The following PCBP3 variants were observed in gnomAD, a reference collection of about 807,000 sequenced individuals.
PCBP3 encodes poly(rC) binding protein 3, also known as poly(rC)-binding protein 3.
Under a neutral mutation model 52.7 loss-of-function variants are expected in PCBP3, and 25 were observed. The ratio of observed to expected loss-of-function variants is 0.47; its 90% confidence interval spans 0.35 to 0.66. The LOEUF is 0.66. Ranked by LOEUF, PCBP3 falls within the 30% of genes least tolerant of loss-of-function variation. The pLI is 0.01. For missense variants in PCBP3, 391 were observed against 490.3 expected (o/e 0.80, Z 1.91); for synonymous variants, 162 against 183.0 (o/e 0.89, Z 0.93).
intron 4 of PCBP3, among the ~76,000 whole-genome samples, chr21:45,818,479 C>A (rs1306747326): frequency 6.6e-6 from 1 of 152,224 alleles, no homozygotes; most frequent in Non-Finnish European, 1.5e-5. Context: ...CTCCTCCCGT[C>A]CCTGAAGCCC....
chr21:45,717,661 C>T (rs2084317353), intron 2 of PCBP3, among the ~76,000 whole-genome samples: 1 of 152,150 alleles, frequency 6.6e-6, no homozygotes, highest in South Asian at 2.1e-4. Flanking sequence ...ATTAAGCCAA[C>T]TTTGCATTTT....
chr21:45,885,847 T>G (rs2148846812), intron 5 of PCBP3, among the ~76,000 whole-genome samples: 1 of 152,374 alleles, frequency 6.6e-6, no homozygotes, highest in African/African-American at 2.4e-5. Flanking sequence ...GTCAGAGGAT[T>G]CCGACAGCTC....
intron 5 of PCBP3, among the ~76,000 whole-genome samples, chr21:45,878,681 C>T (rs1462822434): frequency 1.3e-5 from 2 of 152,234 alleles, no homozygotes; most frequent in Non-Finnish European, 2.9e-5. Context: ...CTAACTAGAA[C>T]CACTGCCCGA....
intron 2 of PCBP3, among the ~76,000 whole-genome samples, chr21:45,681,748 G>A (rs1209132359): frequency 2.6e-5 from 4 of 151,836 alleles, no homozygotes; most frequent in African/African-American, 9.7e-5. Context: ...TTGGTGTCAG[G>A]GTAATACTAA....
rs114348183 is a variant in PCBP3 at position 45,830,861 on chromosome 21, G to T, written c.-125-19100G>T. The T allele has an allele frequency of 6.6e-6, 1 of 152,250 alleles. No individual in the cohort carries two copies. The highest frequency in any genetic ancestry group is 1.5e-5 in the Non-Finnish European group (1 of 68,066). 9.4% of individuals were successfully genotyped at this position (152,250 alleles called of 1,614,324 possible). ...CCTTCCCAGAAAGGCGGGGAATCGA[G>T]AGTGACGTAGTCACCCTCCACCTTT... On this transcript the variant is annotated intron_variant, in intron 4 of 17. Transcript: ENST00000681687. This position sits in a 1 kb window ranked among gnomAD's most constrained non-coding sequence, Gnocchi z 4.4.
chr21:45,917,766 C>A lies in PCBP3; in HGVS notation c.717+137C>A. ...ACTTCTCAGCGTTCCTGACCTGTGT[C>A]GTATCCATATGACCTCGAATAACCT... On this transcript the variant is annotated intron_variant, in intron 13 of 17. Coordinates refer to ENST00000681687, the MANE Select transcript of PCBP3 (RefSeq NM_001384156.1). This position sits in a 1 kb window ranked among gnomAD's most constrained non-coding sequence, Gnocchi z 5.3. The A allele has an allele frequency of 1.3e-6, 1 of 782,616 alleles. No homozygotes were observed. The highest frequency in any genetic ancestry group is 2.3e-6 in the Non-Finnish European group (1 of 443,218). 48.5% of individuals were successfully genotyped at this position (782,616 alleles called of 1,614,324 possible).
chr21:45,852,902 A>C (rs1484758452), intron 5 of PCBP3, among the ~76,000 whole-genome samples: 3 of 152,390 alleles, frequency 2.0e-5, no homozygotes, highest in Middle Eastern at 6.8e-3. Flanking sequence ...TTTTATAGAA[A>C]AATGGGTGAA....
intron 5 of PCBP3, chr21:45,858,401 T>C (rs985540601): frequency 6.6e-6 from 1 of 152,286 alleles, no homozygotes; most frequent in African/African-American, 2.4e-5. Flanking sequence ...AGGAACGGCT[T>C]CTCGTCTTGT....
chr21:45,906,279 A>G (rs1484191021), intron 9 of PCBP3, among the ~76,000 whole-genome samples: 1 of 152,066 alleles, frequency 6.6e-6, no homozygotes, highest in Non-Finnish European at 1.5e-5. Context: ...GAAGTAAGGG[A>G]GAATAATTTT....
chr21:45,885,592 C>G (rs2095499165), intron 5 of PCBP3, among the ~76,000 whole-genome samples: 1 of 152,092 alleles, frequency 6.6e-6, no homozygotes, highest in Non-Finnish European at 1.5e-5. Context: ...TGTGTTCTCC[C>G]TCTTGTTGGG....
chr21:45,823,621 G>A (rs188883316), intron 4 of PCBP3, among the ~76,000 whole-genome samples: 21 of 152,144 alleles, frequency 1.4e-4, no homozygotes, highest in South Asian at 1.0e-3. Flanking sequence ...AGGGGTGGCC[G>A]ACGGGTTCCT....
chr21:45,900,669 G>A (rs757185275), intron 8 of PCBP3, 46 bp downstream of exon 8: 11 of 1,326,440 alleles, frequency 8.3e-6, no homozygotes, highest in Non-Finnish European at 1.1e-5. Context: ...TCCCGGGTGG[G>A]CGGGGTGGGT....
chr21:45,775,101 G>T (rs1288275228), intron 4 of PCBP3, among the ~76,000 whole-genome samples: 2 of 152,036 alleles, frequency 1.3e-5, no homozygotes, highest in Non-Finnish European at 2.9e-5. Context: ...GTTTTTCTTT[G>T]TACTTTTGGT....
At chr21:45,854,228 C>A (rs1415535847) in intron 5 of PCBP3, among the ~76,000 whole-genome samples, 1 of 152,154 alleles carries the variant, frequency 6.6e-6, no homozygotes, top group Admixed American at 6.5e-5. Flanking sequence ...TGTGTGTCAG[C>A]TACCACACAT....
chr21:45,727,712 G>T (rs897812600), intron 2 of PCBP3, among the ~76,000 whole-genome samples: 2 of 152,288 alleles, frequency 1.3e-5, no homozygotes, highest in Middle Eastern at 3.4e-3. Context: ...TGTGAGAGGA[G>T]GTGGTTGGGG....
Position 45,737,547 on chromosome 21 carries a change from C to T in PCBP3, c.-162+2118C>T, listed in dbSNP as rs571872827. On this transcript the variant is annotated intron_variant, in intron 3 of 17. Coordinates refer to ENST00000681687, the MANE Select transcript of PCBP3 (RefSeq NM_001384156.1). This position sits in a 1 kb window ranked among gnomAD's most constrained non-coding sequence, Gnocchi z 4.9. ...GCCTACAGTTCTGGAAATAAACCAGCGTGCTGGGGTGGGGCGAGCCCGACC... is the reference window on the plus strand; with the variant it reads ...GCCTACAGTTCTGGAAATAAACCAGTGTGCTGGGGTGGGGCGAGCCCGACC... Among the ~76,000 whole-genome samples, 13 of 152,310 alleles carry T rather than the reference C, an allele frequency of 8.5e-5. No individual in the cohort carries two copies. The South Asian group carries it at 2.5e-3, about 29-fold the overall frequency.
At position 45,928,877 on chromosome 21, in the gene PCBP3, G is replaced by C. The variant is rs2075820737; in HGVS notation, c.718-1040G>C. Among the ~76,000 whole-genome samples, 1 of 152,164 alleles carries C rather than the reference G, an allele frequency of 6.6e-6. No homozygotes were observed. Among genetic ancestry groups the C allele is most frequent in the African/African-American group, 2.4e-5 (1 of 41,450 alleles). On this transcript the variant is annotated intron_variant, in intron 13 of 17. Transcript: ENST00000681687. The surrounding 1 kb of genome is among the most constrained non-coding windows in gnomAD (Gnocchi z 4.1). ...CCTCCCCAAATGTGCCACCTCCCCT[G>C]CCTGCTGGGCAGCACCACAGAGGAG...
chr21:45,745,122 G>A (rs2086731544), intron 3 of PCBP3, among the ~76,000 whole-genome samples: 1 of 152,164 alleles, frequency 6.6e-6, no homozygotes, highest in South Asian at 2.1e-4. Flanking sequence ...CTGTGGTCCT[G>A]GGAGATGGAG....
chr21:45,804,801 T>A (rs1043564024), intron 4 of PCBP3, among the ~76,000 whole-genome samples: 7 of 152,076 alleles, frequency 4.6e-5, no homozygotes, highest in Non-Finnish European at 8.8e-5. Context: ...CTTGGGCCTG[T>A]CCTTCTGCTG....
Sources: gnomAD v4.1 joint callset for allele counts (sites outside exome capture counted in the v4.1 genomes callset) on GRCh38, gnomAD v4.1.1 for gene constraint, Gnocchi (gnomAD v3.1) non-coding constraint, MANE v1.5 for transcripts, NCBI Gene and HGNC (gene_info 2026-07-23, HGNC 2026-07-21) for gene names.